CLASP1: variants seen among roughly 807,000 people sequenced by gnomAD.
The protein encoded by CLASP1 is CLIP-associating protein 1.
In CLASP1, 38 loss-of-function variants were observed where a neutral mutation model predicts 192.3. That is an observed-to-expected ratio of 0.20 (90% CI 0.15 to 0.26). The LOEUF is 0.26. Among genes scored for constraint, CLASP1 ranks in the 10% least tolerant of loss-of-function variants. CLASP1 has a pLI of 1.00. For missense variants in CLASP1, 1,433 were observed against 1,932.5 expected (o/e 0.74, Z 4.85); for synonymous variants, 691 against 712.8 (o/e 0.97, Z 0.49).
At position 121,621,525 on chromosome 2, in the gene CLASP1, T is replaced by G. The variant is rs116356667; in HGVS notation, c.-285-15345A>C. ...TGAGGTAAGGGTCCAAATTCCTTTT[T>G]TTGTTGTGTGGACCTGTACCACCAT... On this transcript the variant is annotated intron_variant, in intron 1 of 39. Coordinates refer to ENST00000263710, the Ensembl canonical transcript of CLASP1. 4.9e-3 allele frequency among the ~76,000 whole-genome samples: 751 copies of G among 152,338 alleles called. 9 individuals are homozygous for G. Among genetic ancestry groups the G allele is most frequent in the African/African-American group, 0.018 (728 of 41,578 alleles).
intron 19 of CLASP1, among the ~76,000 whole-genome samples, chr2:121,433,137 C>T (rs186964484): frequency 2.1e-4 from 32 of 152,006 alleles, no homozygotes; most frequent in Non-Finnish European, 3.2e-4. Flanking sequence ...GCCTGGCCAA[C>T]GTGGAGAAAC....
intron 2 of CLASP1, among the ~76,000 whole-genome samples, chr2:121,583,276 C>A (rs1332386097): frequency 1.3e-5 from 2 of 152,082 alleles, no homozygotes; most frequent in East Asian, 3.8e-4. Flanking sequence ...TACCATACTC[C>A]CTAAACAATG....
rs1172450429 is a variant in CLASP1 at position 121,502,734 on chromosome 2, A to AATACACCC, written c.712+432_712+433insGGGTGTAT. ...ATGGGAAGTCTTTGGAGGATTAGGA[A>AATACACCC]GAAGATTAACACCACCCGACTTGTA... On this transcript the variant is annotated intron_variant, in intron 8 of 39. Coordinates refer to ENST00000263710, the Ensembl canonical transcript of CLASP1. Among the ~76,000 whole-genome samples, 4 of 152,208 alleles carry AATACACCC rather than the reference A, an allele frequency of 2.6e-5. No individual in the cohort carries two copies. In the South Asian group the frequency reaches 6.2e-4, roughly 24 times the overall value.
At chr2:121,476,005 C>T (rs1372681470) in intron 8 of CLASP1, among the ~76,000 whole-genome samples, 5 of 152,314 alleles carry the variant, frequency 3.3e-5, no homozygotes, top group Admixed American at 3.3e-4. Context: ...CATGAAATTT[C>T]TACAGAGTGA....
At chr2:121,441,467 T>A (rs1436396498) in intron 19 of CLASP1, among the ~76,000 whole-genome samples, 1 of 152,230 alleles carries the variant, frequency 6.6e-6, no homozygotes, top group African/African-American at 2.4e-5. Flanking sequence ...GGCTTACGCC[T>A]GTAATCCCAG....
At chr2:121,472,385 G>A (rs753690323) in intron 8 of CLASP1, among the ~76,000 whole-genome samples, 1 of 151,866 alleles carries the variant, frequency 6.6e-6, no homozygotes, top group Non-Finnish European at 1.5e-5. Flanking sequence ...ACCGGACAAC[G>A]GGCAGTTCAG....
At chr2:121,609,836 G>C (rs1339452197) in intron 1 of CLASP1, among the ~76,000 whole-genome samples, 1 of 152,236 alleles carries the variant, frequency 6.6e-6, no homozygotes, top group African/African-American at 2.4e-5. Context: ...AGCTACGTGG[G>C]AGGCTGAGGC....
At chr2:121,508,751 T>C (rs1357925543) in intron 7 of CLASP1, among the ~76,000 whole-genome samples, 1 of 152,116 alleles carries the variant, frequency 6.6e-6, no homozygotes, top group African/African-American at 2.4e-5. Flanking sequence ...TAAGAGACAC[T>C]TAAGATTCAA....
At chr2:121,547,494 T>G (rs1376885705) in intron 2 of CLASP1, among the ~76,000 whole-genome samples, 1 of 151,708 alleles carries the variant, frequency 6.6e-6, no homozygotes, top group African/African-American at 2.4e-5. Context: ...CCTGCATGTC[T>G]CTGGGGTGGA....
intron 2 of CLASP1, among the ~76,000 whole-genome samples, chr2:121,531,167 T>C (rs1240739175): frequency 6.6e-6 from 1 of 152,114 alleles, no homozygotes; most frequent in African/African-American, 2.4e-5. Flanking sequence ...GGGAAGGATT[T>C]CAACAGAACT....
At chr2:121,469,880 T>A (rs770789277) in exon 9 of CLASP1, 1 of 1,613,928 alleles carries the variant, frequency 6.2e-7, no homozygotes, top group Non-Finnish European at 8.5e-7. Context: ...CTCCGAGAAC[T>A]TGGTGGAGCC....
At chr2:121,412,107 G>A (rs2077803228) in intron 23 of CLASP1, among the ~76,000 whole-genome samples, 1 of 152,080 alleles carries the variant, frequency 6.6e-6, no homozygotes. Flanking sequence ...ACAAGACAGT[G>A]CCTACAAAAC....
intron 39 of CLASP1, among the ~76,000 whole-genome samples, chr2:121,345,993 C>T (rs1193188509): frequency 6.6e-6 from 1 of 152,208 alleles, no homozygotes; most frequent in Non-Finnish European, 1.5e-5. Context: ...GCTCTGAACA[C>T]CCCAGCCAGA....
At chr2:121,438,984 A>G (rs1276898163) in intron 19 of CLASP1, among the ~76,000 whole-genome samples, 1 of 149,826 alleles carries the variant, frequency 6.7e-6, no homozygotes, top group African/African-American at 2.5e-5. Context: ...TTGGTAAGCT[A>G]TTGATTATTG....
intron 2 of CLASP1, among the ~76,000 whole-genome samples, chr2:121,586,820 A>G (rs1227677547): frequency 2.6e-5 from 4 of 152,158 alleles, no homozygotes; most frequent in Admixed American, 1.3e-4. Flanking sequence ...CCCATGCAGT[A>G]TGTACTGTGA....
rs73950961 is a variant in CLASP1 at position 121,378,200 on chromosome 2, C to T, written c.3492-551G>A. Among the ~76,000 whole-genome samples the T allele has an allele frequency of 1.4e-3, 211 of 152,238 alleles. 1 individual carries two copies. The highest frequency in any genetic ancestry group is 4.9e-3 in the African/African-American group (204 of 41,540). ...AAAAACCCTAGACTCAAAGTCAGAT[C>T]CACCCTATGAACAGGCCCAGAAAGT... On this transcript the variant is annotated intron_variant, in intron 33 of 39. Coordinates refer to ENST00000263710, the Ensembl canonical transcript of CLASP1.
chr2:121,537,312 A>C (rs2095112371), intron 2 of CLASP1, among the ~76,000 whole-genome samples: 1 of 151,920 alleles, frequency 6.6e-6, no homozygotes, highest in Non-Finnish European at 1.5e-5. Flanking sequence ...GGATCGCTCG[A>C]GCCCAGGAGG....
chr2:121,470,138 A>C (rs1404888606), intron 8 of CLASP1, 178 bp from the exon 9 acceptor site: 2 of 662,662 alleles, frequency 3.0e-6, no homozygotes, highest in Non-Finnish European at 5.3e-6. Context: ...CCCAGAATGA[A>C]GCTACAAAGA....
intron 37 of CLASP1, among the ~76,000 whole-genome samples, chr2:121,351,001 C>CT (rs1264778330): frequency 2.6e-5 from 4 of 152,202 alleles, no homozygotes; most frequent in Admixed American, 6.5e-5. Context: ...CTTGAACTGT[C>CT]TGAGGCCAGG....
Sources: allele counts gnomAD v4.1 joint callset (sites outside exome capture counted in the v4.1 genomes callset), GRCh38; gene constraint gnomAD v4.1.1; transcripts MANE v1.5; gene names NCBI Gene and HGNC (gene_info 2026-07-23, HGNC 2026-07-21).